Variants in SRRM3 observed in about 807,000 individuals in gnomAD.
The protein encoded by SRRM3 is serine/arginine repetitive matrix 3, also known as serine/arginine repetitive matrix protein 3.
Under a neutral mutation model 66.2 loss-of-function variants are expected in SRRM3, and 27 were observed. The observed-to-expected ratio is 0.41, with a 90% confidence interval of 0.30 to 0.56. The LOEUF (loss-of-function observed/expected upper bound fraction) is 0.56, where lower values mean the gene tolerates loss of function less well. Ranked by LOEUF, SRRM3 falls within the 20% of genes least tolerant of loss-of-function variation. The probability of loss-of-function intolerance (pLI) is 0.32; values close to 1 mark genes in which losing one functional copy is unlikely to be tolerated. For synonymous variants in SRRM3, 391 were observed against 414.9 expected, an observed-to-expected ratio of 0.94 and a Z score of 0.70; for missense variants, 918 against 991.9, an observed-to-expected ratio of 0.93 and a Z score of 1.00.
rs140230149 is a variant in SRRM3, at chr7:76,220,885, A to G, written c.-39-14143A>G. ...AATTATTGAAAGCAAGGCTTTCAGC[A>G]GTTCCCCTCCCCCCACCGCGTCTTC... On this transcript the variant is annotated intron_variant, in intron 1 of 14. Coordinates refer to ENST00000611745, the MANE Select transcript of SRRM3 (RefSeq NM_001110199.3). Among the ~76,000 whole-genome samples, 355 of 152,164 alleles carry G rather than the reference A, an allele frequency of 2.3e-3. 3 individuals carry two copies. The highest frequency in any genetic ancestry group is 7.8e-3 in the African/African-American group (322 of 41,520).
rs1801864745 is a variant in SRRM3, at chr7:76,261,419, C to T, written c.638+5C>T. 8.7e-6 allele frequency: 14 copies of T among 1,605,692 alleles called. No homozygotes were observed. Among genetic ancestry groups the T allele is most frequent in the Non-Finnish European group, 1.1e-5 (13 of 1,176,242 alleles). Reference sequence around the variant, plus strand: ...GAAGAAGCATCGCCGAGACAGGTACCCTTGCTGCCCCCACCCTGGGGCCTC... The same window carrying T: ...GAAGAAGCATCGCCGAGACAGGTACTCTTGCTGCCCCCACCCTGGGGCCTC... On this transcript the variant is annotated splice_donor_5th_base_variant and intron_variant, in intron 7 of 14. Coordinates refer to ENST00000611745, the MANE Select transcript of SRRM3 (RefSeq NM_001110199.3).
Position 76,282,651 on chromosome 7 carries a change from C to T in SRRM3, c.1374C>T (p.Ala458=). The T allele has an allele frequency of 7.1e-7, 1 of 1,412,992 alleles. No homozygotes were observed. The highest frequency in any genetic ancestry group is 9.2e-7 in the Non-Finnish European group (1 of 1,089,638). The allele number at this position is 1,412,992 out of a possible 1,614,324, so 87.5% of individuals were successfully genotyped here. The change falls in exon 13 of 15, where the codon GCC becomes GCT. Residue 458 remains alanine, a synonymous_variant. Transcript: ENST00000611745. ...CCGCGCCGTCTCCCTCCTCCAGGGC[C>T]AAGGAGCGGCCCCCGCGCGCGCGGC... The part of the protein sequence containing the change: ...ERGHGGHGKR[A]KERPPRARPA...
intron 11 of SRRM3, among the ~76,000 whole-genome samples, chr7:76,274,742 C>T (rs1802298868): frequency 6.6e-6 from 1 of 152,110 alleles, no homozygotes; most frequent in Non-Finnish European, 1.5e-5. Context: ...GAGGTGGACC[C>T]TAGGGGACCC....
intron 3 of SRRM3, among the ~76,000 whole-genome samples, chr7:76,256,005 A>C (rs1261783998): frequency 1.3e-5 from 2 of 152,126 alleles, no homozygotes; most frequent in Non-Finnish European, 2.9e-5. Flanking sequence ...CTTTCCTCAA[A>C]GGTGGTCTGT....
intron 1 of SRRM3, among the ~76,000 whole-genome samples, chr7:76,224,227 A>T (rs1800799455): frequency 6.8e-6 from 1 of 147,054 alleles, no homozygotes; most frequent in Non-Finnish European, 1.5e-5. Context: ...GTACAGGCGC[A>T]CACTGCCAGT....
At chr7:76,275,508 A>G (rs1554610998) in intron 11 of SRRM3, among the ~76,000 whole-genome samples, 2 of 151,766 alleles carry the variant, frequency 1.3e-5, no homozygotes, top group African/African-American at 4.8e-5. Flanking sequence ...AAAAAAAAAA[A>G]AAAAAAAAAG....
chr7:76,216,040 C>G (rs2116950263), intron 1 of SRRM3, among the ~76,000 whole-genome samples: 1 of 151,880 alleles, frequency 6.6e-6, no homozygotes, highest in African/African-American at 2.4e-5. Flanking sequence ...ATCTCCTGAC[C>G]TCGTGATCTG....
At chr7:76,267,629 C>A (rs1284572890) in intron 11 of SRRM3, 194 bp downstream of exon 11, 3 of 458,484 alleles carry the variant, frequency 6.5e-6, no homozygotes, top group Non-Finnish European at 1.1e-5. Flanking sequence ...CCGTTGCGCC[C>A]ACCTGGCCCT....
chr7:76,282,670 G>A lies in SRRM3; in HGVS notation c.1393G>A (p.Ala465Thr). 1 of 1,389,862 alleles carries A rather than the reference G, an allele frequency of 7.2e-7. No homozygotes were observed. The highest frequency in any genetic ancestry group is 9.3e-7 in the Non-Finnish European group (1 of 1,077,988). 86.1% of individuals were successfully genotyped at this position (1,389,862 alleles called of 1,614,324 possible). ...CAGGGCCAAGGAGCGGCCCCCGCGC[G>A]CGCGGCCCGCCAGCACCTCTCCGTC... ...GKRAKERPPR[A>T]RPASTSPSPG... Residue 465 changes from alanine (A) to threonine (T), a missense_variant, in exon 13 of 15, where the codon GCG becomes ACG. By Grantham distance (58) the Ala-to-Thr change is moderately conservative (BLOSUM62 0). Transcript: ENST00000611745.
Position 76,255,144 on chromosome 7 carries a change from C to CTTTTT in SRRM3, c.336-4759_336-4758insTTTTT, listed in dbSNP as rs1309988503. 1.8e-3 allele frequency among the ~76,000 whole-genome samples: 129 copies of CTTTTT among 70,254 alleles called. 1 individual carries two copies. The highest frequency in any genetic ancestry group is 5.9e-3 in the African/African-American group (103 of 17,420). 46.1% of individuals were successfully genotyped at this position (70,254 alleles called of 152,430 possible). A position where few individuals can be genotyped will look rare whatever the true frequency, so the allele number is the denominator to read the frequency against. On this transcript the variant is annotated intron_variant, in intron 3 of 14. Transcript: ENST00000611745. ...TTTCCTTTTCTTTCTTTCTTTCTTT[C>CTTTTT]TTTCTTTTTTTTTTTTTTTTTTTGA...
At chr7:76,204,266 C>T (rs1465192966) in intron 1 of SRRM3, among the ~76,000 whole-genome samples, 1 of 152,184 alleles carries the variant, frequency 6.6e-6, no homozygotes, top group African/African-American at 2.4e-5. Flanking sequence ...ATAGCTCTTC[C>T]TGTCTCAGAA....
intron 11 of SRRM3, chr7:76,267,927 C>G (rs1802116495): frequency 6.6e-6 from 1 of 150,418 alleles, no homozygotes; most frequent in Non-Finnish European, 1.5e-5. Context: ...CCCCCTCCCC[C>G]TCCCTCAATC....
At chr7:76,205,475 G>C (rs1041900441) in intron 1 of SRRM3, among the ~76,000 whole-genome samples, 1 of 152,226 alleles carries the variant, frequency 6.6e-6, no homozygotes, top group East Asian at 1.9e-4. Flanking sequence ...CTCCCCAAGT[G>C]TTAGGATTAC....
rs189406813 is a variant in SRRM3, at chr7:76,284,865, G to A, written c.1734-750G>A. On this transcript the variant is annotated intron_variant, in intron 14 of 14. Coordinates refer to ENST00000611745, the MANE Select transcript of SRRM3 (RefSeq NM_001110199.3). ...TAGCTGAGTGAGGAGTGGGGCCGGCGGGACTGGACCGGACCGTGGGCATGG... is the reference window on the plus strand; with the variant it reads ...TAGCTGAGTGAGGAGTGGGGCCGGCAGGACTGGACCGGACCGTGGGCATGG... Among the ~76,000 whole-genome samples, 917 of 152,308 alleles carry A rather than the reference G, an allele frequency of 6.0e-3. 7 individuals carry two copies. Among genetic ancestry groups the A allele is most frequent in the Middle Eastern group, 0.01 (3 of 294 alleles).
At chr7:76,281,837 C>T in intron 12 of SRRM3, 35 bp downstream of exon 12, 2 of 1,227,966 alleles carry the variant, frequency 1.6e-6, no homozygotes, top group African/African-American at 1.6e-5. Context: ...GACTCCCGCC[C>T]CCACCCCGCA....
chr7:76,256,545 C>T (rs964932794), intron 3 of SRRM3, among the ~76,000 whole-genome samples: 11 of 151,898 alleles, frequency 7.2e-5, no homozygotes, highest in African/African-American at 2.7e-4. Flanking sequence ...GACAGAGCAG[C>T]CCCGAGGGCT....
chr7:76,237,727 C>G (rs567315947), intron 2 of SRRM3, among the ~76,000 whole-genome samples: 15 of 152,226 alleles, frequency 9.9e-5, no homozygotes, highest in Admixed American at 5.9e-4. Context: ...CCTCCTCCTC[C>G]CAGAACTCCA....
chr7:76,249,558 A>G (rs1249763872), intron 3 of SRRM3, among the ~76,000 whole-genome samples: 3 of 152,220 alleles, frequency 2.0e-5, no homozygotes, highest in Non-Finnish European at 4.4e-5. Context: ...TCAAAACCAT[A>G]CAAACACTGG....
intron 8 of SRRM3, among the ~76,000 whole-genome samples, chr7:76,262,923 C>T (rs1801919699): frequency 6.6e-6 from 1 of 152,118 alleles, no homozygotes. Context: ...CAGTCACATT[C>T]CAGAGGTGGC....
Sources: allele counts gnomAD v4.1 joint callset (sites outside exome capture counted in the v4.1 genomes callset), GRCh38; gene constraint gnomAD v4.1.1; transcripts MANE v1.5; gene names NCBI Gene and HGNC (gene_info 2026-07-23, HGNC 2026-07-21).